The following MALRD1 variants were observed in gnomAD, a reference collection of about 807,000 sequenced individuals.
MALRD1 encodes MAM and LDL-receptor class A domain-containing protein 1.
Under a neutral mutation model 242.1 loss-of-function variants are expected in MALRD1, and 247 were observed. That is an observed-to-expected ratio of 1.02 (90% CI 0.92 to 1.13). MALRD1 has a LOEUF of 1.13. Among genes scored for constraint, MALRD1 ranks in the 50% most tolerant of loss-of-function variants. The pLI, the probability that MALRD1 is intolerant of heterozygous loss-of-function variation, is 0.00. For synonymous variants in MALRD1, 995 were observed against 866.6 expected (o/e 1.15, Z -2.60); for missense variants, 2,989 against 2,533.1 (o/e 1.18, Z -3.86).
intron 36 of MALRD1, among the ~76,000 whole-genome samples, chr10:19,680,619 G>A (rs553828240): frequency 2.0e-5 from 3 of 152,154 alleles, no homozygotes; most frequent in South Asian, 2.1e-4. Context: ...TTTAACTGGG[G>A]CATTTAGCTG....
At chr10:19,488,788 C>T (rs750793328) in intron 29 of MALRD1, 5 of 295,838 alleles carry the variant, frequency 1.7e-5, no homozygotes, top group Non-Finnish European at 3.4e-5. Flanking sequence ...TGATCAGCCT[C>T]GGTCCCCACC....
chr10:19,618,136 C>A (rs1839247447), intron 36 of MALRD1, among the ~76,000 whole-genome samples: 1 of 152,014 alleles, frequency 6.6e-6, no homozygotes, highest in South Asian at 2.1e-4. Flanking sequence ...TGGCTCCATC[C>A]ATGTTCCTGC....
At chr10:19,479,149 A>T (rs931956659) in intron 29 of MALRD1, among the ~76,000 whole-genome samples, 1 of 152,260 alleles carries the variant, frequency 6.6e-6, no homozygotes, top group Admixed American at 6.5e-5. Context: ...GTATATAGTG[A>T]TGATTATAAT....
At chr10:19,134,400 T>C (rs554286955) in intron 9 of MALRD1, among the ~76,000 whole-genome samples, 114 of 152,346 alleles carry the variant, frequency 7.5e-4, no homozygotes, top group African/African-American at 2.7e-3. Context: ...TGCTGTCTCT[T>C]AAAAAATTAA....
intron 4 of MALRD1, among the ~76,000 whole-genome samples, chr10:19,095,517 A>T (rs1043962608): frequency 6.6e-6 from 1 of 152,190 alleles, no homozygotes; most frequent in African/African-American, 2.4e-5. Context: ...AAGTCTTTCT[A>T]TCAACAATTC....
At chr10:19,592,255 C>T (rs1837829672) in intron 33 of MALRD1, among the ~76,000 whole-genome samples, 1 of 152,218 alleles carries the variant, frequency 6.6e-6, no homozygotes. Context: ...CAGAACTGGA[C>T]ATCTGCCTGG....
At chr10:19,174,245 T>A (rs1436040910) in intron 13 of MALRD1, among the ~76,000 whole-genome samples, 2 of 152,084 alleles carry the variant, frequency 1.3e-5, no homozygotes, top group Non-Finnish European at 2.9e-5. Flanking sequence ...TATGACCTAT[T>A]TTGAGGAGAA....
rs148115305 is a variant in MALRD1, at chr10:19,379,396, A to G, written c.4442-8132A>G. Among the ~76,000 whole-genome samples the G allele has an allele frequency of 2.3e-3, 347 of 151,772 alleles. 3 individuals are homozygous for G. Among genetic ancestry groups the G allele is most frequent in the African/African-American group, 8.0e-3 (332 of 41,372 alleles). The stretch of plus-strand genomic sequence containing the variant: ...CTTATGATAGAAACTTAGTTAATTG[A>G]TTTTGGATCTTGTTTTGTTAAATGT... On this transcript the variant is annotated intron_variant, in intron 26 of 39. Transcript: ENST00000454679.
intron 38 of MALRD1, among the ~76,000 whole-genome samples, chr10:19,726,182 A>G (rs1835016827): frequency 6.6e-6 from 1 of 152,230 alleles, no homozygotes. Flanking sequence ...AAAATGGTAG[A>G]AAATATTCAA....
chr10:19,481,673 G>C (rs1321013869), intron 29 of MALRD1, among the ~76,000 whole-genome samples: 1 of 152,068 alleles, frequency 6.6e-6, no homozygotes, highest in African/African-American at 2.4e-5. Flanking sequence ...AAACTTGCTT[G>C]ATAAGGAAAC....
chr10:19,650,129 A>G (rs985602553), intron 36 of MALRD1, among the ~76,000 whole-genome samples: 2 of 152,214 alleles, frequency 1.3e-5, no homozygotes, highest in African/African-American at 4.8e-5. Context: ...TGAAAAGTCA[A>G]TAATTGGACT....
At chr10:19,502,996 A>G (rs117725652) in intron 31 of MALRD1, among the ~76,000 whole-genome samples, 6,578 of 152,236 alleles carry the variant, frequency 0.043, 205 homozygotes, top group Middle Eastern at 0.082. Context: ...ATCACATGAA[A>G]AGTTTTGAAT....
At chr10:19,238,272 A>T (rs1265131810) in intron 18 of MALRD1, among the ~76,000 whole-genome samples, 1 of 76,164 alleles carries the variant, frequency 1.3e-5, no homozygotes, top group Non-Finnish European at 2.2e-5. Context: ...TATTATATAT[A>T]ATATGTAATA....
intron 36 of MALRD1, among the ~76,000 whole-genome samples, chr10:19,689,868 T>A (rs1175469938): frequency 1.3e-5 from 2 of 152,110 alleles, no homozygotes. Flanking sequence ...CAGCACCATA[T>A]CCATTTATAA....
intron 28 of MALRD1, among the ~76,000 whole-genome samples, chr10:19,391,148 A>G (rs1436897110): frequency 6.6e-6 from 1 of 152,190 alleles, no homozygotes; most frequent in Non-Finnish European, 1.5e-5. Flanking sequence ...TACCAATGGC[A>G]TAGAATTCCT....
intron 21 of MALRD1, among the ~76,000 whole-genome samples, chr10:19,316,889 T>A (rs1842728346): frequency 6.6e-6 from 1 of 151,836 alleles, no homozygotes; most frequent in South Asian, 2.1e-4. Flanking sequence ...AATAATTTAA[T>A]TGTGCACCTT....
intron 38 of MALRD1, among the ~76,000 whole-genome samples, chr10:19,699,443 C>G (rs1411267137): frequency 6.6e-6 from 1 of 152,008 alleles, no homozygotes; most frequent in African/African-American, 2.4e-5. Flanking sequence ...TAAATTGGAA[C>G]TGTAGGGTTG....
intron 36 of MALRD1, among the ~76,000 whole-genome samples, chr10:19,635,926 A>C (rs1398134945): frequency 6.6e-6 from 1 of 151,792 alleles, no homozygotes; most frequent in Non-Finnish European, 1.5e-5. Context: ...TTTGAAACGC[A>C]GCGTCACTCT....
Position 19,238,312 on chromosome 10 carries a change from A to T in MALRD1, c.2992-19372A>T, listed in dbSNP as rs188519402. On this transcript the variant is annotated intron_variant, in intron 18 of 39. Coordinates refer to ENST00000454679, the MANE Select transcript of MALRD1 (RefSeq NM_001142308.3). ...TAATATATATTATATATAATATGTA[A>T]TATACATAATGTATATTATACATAA... is the stretch of plus-strand genomic sequence containing the variant. 4.4e-3 allele frequency among the ~76,000 whole-genome samples: 333 copies of T among 75,920 alleles called. 8 individuals are homozygous for T. The East Asian group carries it at 0.077, about 18-fold the overall frequency. The allele number at this position is 75,920 out of a possible 152,430, so 49.8% of individuals were successfully genotyped here.
Sources: gnomAD v4.1 joint callset for allele counts (sites outside exome capture counted in the v4.1 genomes callset) on GRCh38, gnomAD v4.1.1 for gene constraint, MANE v1.5 for transcripts, NCBI Gene and HGNC (gene_info 2026-07-23, HGNC 2026-07-21) for gene names.